Variants in PRKCE observed in about 807,000 individuals in gnomAD.
PRKCE encodes the protein protein kinase C epsilon type.
A neutral mutation model predicts 85.4 loss-of-function variants in PRKCE; 16 were observed. The ratio of observed to expected loss-of-function variants is 0.19; its 90% CI spans 0.13 to 0.28. The LOEUF is 0.28. Ranked by LOEUF, PRKCE falls within the 10% of genes least tolerant of loss-of-function variation. The pLI is 1.00. For synonymous variants in PRKCE, 388 were observed against 371.5 expected, an observed-to-expected ratio of 1.04 and a Z score of -0.51; for missense variants, 573 against 975.2, an observed-to-expected ratio of 0.59 and a Z score of 5.49.
chr2:45,835,881 C>T (rs1690831974), intron 1 of PRKCE, among the ~76,000 whole-genome samples: 1 of 152,196 alleles, frequency 6.6e-6, no homozygotes, highest in Admixed American at 6.5e-5. Context: ...AGGGGTGAGC[C>T]ACCGTGCCCG....
At chr2:45,794,331 C>T (rs963010641) in intron 1 of PRKCE, among the ~76,000 whole-genome samples, 2 of 152,028 alleles carry the variant, frequency 1.3e-5, no homozygotes, top group Non-Finnish European at 2.9e-5. Flanking sequence ...TCTGGGCTGG[C>T]GTTTCCTTCG....
At chr2:45,716,351 T>C (rs1388889191) in intron 1 of PRKCE, among the ~76,000 whole-genome samples, 1 of 152,084 alleles carries the variant, frequency 6.6e-6, no homozygotes, top group Non-Finnish European at 1.5e-5. Flanking sequence ...ACCCTGTGTC[T>C]ACCAAAAATA....
intron 1 of PRKCE, among the ~76,000 whole-genome samples, chr2:45,791,410 AG>A (rs1345416867): frequency 6.6e-6 from 1 of 152,212 alleles, no homozygotes; most frequent in African/African-American, 2.4e-5. Context: ...CCCCAAGAGC[AG>A]GCCCTACACC....
chr2:45,776,783 C>T (rs987288564), intron 1 of PRKCE, among the ~76,000 whole-genome samples: 1 of 152,166 alleles, frequency 6.6e-6, no homozygotes, highest in Non-Finnish European at 1.5e-5. Context: ...TGGAGGAAGG[C>T]CAGCCTCACA....
chr2:46,141,390 A>G (rs1209559582), intron 11 of PRKCE, among the ~76,000 whole-genome samples: 1 of 152,208 alleles, frequency 6.6e-6, no homozygotes, highest in Non-Finnish European at 1.5e-5. Flanking sequence ...ATTTAGTTAA[A>G]TGAGGGGAAA....
chr2:45,751,845 G>C (rs56072263), intron 1 of PRKCE, among the ~76,000 whole-genome samples: 1 of 116,566 alleles, frequency 8.6e-6, no homozygotes, highest in Non-Finnish European at 1.7e-5. Flanking sequence ...TGAGACGGAG[G>C]CTCGCTCTGT....
intron 1 of PRKCE, among the ~76,000 whole-genome samples, chr2:45,716,710 G>GGAAA (rs749465197): frequency 1.7e-5 from 2 of 115,936 alleles, no homozygotes; most frequent in African/African-American, 6.7e-5. Context: ...AAGGAAGGAA[G>GGAAA]GAAGGAAGGA....
chr2:46,126,461 A>C (rs1673864283), intron 11 of PRKCE, among the ~76,000 whole-genome samples: 1 of 152,146 alleles, frequency 6.6e-6, no homozygotes, highest in Non-Finnish European at 1.5e-5. Context: ...GGGGGAGTCC[A>C]TGAATTCTTC....
chr2:45,755,124 C>G (rs1022238155), intron 1 of PRKCE, among the ~76,000 whole-genome samples: 1 of 152,172 alleles, frequency 6.6e-6, no homozygotes, highest in African/African-American at 2.4e-5. Context: ...CTGCTGCTTC[C>G]TGACCCAAGG....
At chr2:45,866,661 C>T (rs559131931) in intron 2 of PRKCE, among the ~76,000 whole-genome samples, 231 of 152,088 alleles carry the variant, frequency 1.5e-3, no homozygotes, top group Non-Finnish European at 2.7e-3. Flanking sequence ...TGTTAATCTG[C>T]GTTGTTCAGG....
At chr2:45,888,269 A>G (rs1411067059) in intron 2 of PRKCE, among the ~76,000 whole-genome samples, 1 of 152,018 alleles carries the variant, frequency 6.6e-6, no homozygotes, top group Non-Finnish European at 1.5e-5. Context: ...GTTCTGGAGA[A>G]CTCTAGTCTC....
intron 11 of PRKCE, among the ~76,000 whole-genome samples, chr2:46,143,932 C>T (rs967556472): frequency 2.0e-5 from 3 of 152,218 alleles, no homozygotes; most frequent in Non-Finnish European, 4.4e-5. Flanking sequence ...CCGGAGTTCA[C>T]ATCTTGACGC....
intron 2 of PRKCE, among the ~76,000 whole-genome samples, chr2:45,883,772 C>T (rs188583246): frequency 1.3e-5 from 2 of 152,308 alleles, no homozygotes; most frequent in Admixed American, 6.5e-5. Flanking sequence ...GCTGGCATAT[C>T]CTTTCTGCAC....
At chr2:46,098,081 G>C (rs539254452) in intron 11 of PRKCE, among the ~76,000 whole-genome samples, 2 of 152,292 alleles carry the variant, frequency 1.3e-5, no homozygotes, top group African/African-American at 2.4e-5. Flanking sequence ...TTAAATTTGA[G>C]TGTTTCAGCT....
chr2:46,112,195 G>T (rs1291275969), intron 11 of PRKCE, among the ~76,000 whole-genome samples: 4 of 152,130 alleles, frequency 2.6e-5, no homozygotes, highest in African/African-American at 9.7e-5. Context: ...TTTGTCTGAA[G>T]CTAATATAGG....
intron 1 of PRKCE, among the ~76,000 whole-genome samples, chr2:45,771,982 A>G (rs549069350): frequency 6.6e-6 from 1 of 152,192 alleles, no homozygotes; most frequent in Non-Finnish European, 1.5e-5. Context: ...ACTGCCGACC[A>G]TGGGAGGGAA....
At chr2:46,070,840 A>G (rs545414866) in intron 10 of PRKCE, among the ~76,000 whole-genome samples, 1 of 152,274 alleles carries the variant, frequency 6.6e-6, no homozygotes, top group East Asian at 1.9e-4. Flanking sequence ...TTTGTGTCAA[A>G]TGTGGATGTT....
chr2:45,879,043 A>G (rs561644239), intron 2 of PRKCE, among the ~76,000 whole-genome samples: 69 of 152,364 alleles, frequency 4.5e-4, no homozygotes, highest in African/African-American at 1.6e-3. Flanking sequence ...AACTACGGCA[A>G]AAAGTGAGAA....
At chr2:45,700,754 A>G (rs573487065) in intron 1 of PRKCE, 3 of 152,290 alleles carry the variant, frequency 2.0e-5, no homozygotes, top group Non-Finnish European at 4.4e-5. Flanking sequence ...TTGCAGATGT[A>G]ATCAAGTTAA....
Sources: gnomAD v4.1 joint callset for allele counts (sites outside exome capture counted in the v4.1 genomes callset) on GRCh38, gnomAD v4.1.1 for gene constraint, MANE v1.5 for transcripts, NCBI Gene and HGNC (gene_info 2026-07-23, HGNC 2026-07-21) for gene names.